Variants in ITPRID1 observed in about 807,000 individuals in gnomAD.
ITPRID1 encodes the protein ITPR interacting domain containing 1, also known as protein ITPRID1.
ITPRID1 carries 96 observed loss-of-function variants against 95.4 expected under a neutral mutation model. The observed-to-expected ratio is 1.01, with a 90% CI of 0.85 to 1.19. The LOEUF (loss-of-function observed/expected upper bound fraction) is 1.19, where lower values mean the gene tolerates loss of function less well. Among genes scored for constraint, ITPRID1 ranks in the 50% most tolerant of loss-of-function variants. ITPRID1 has a pLI of 0.00. For synonymous variants in ITPRID1, 510 were observed against 453.6 expected (o/e 1.12, Z -1.58); for missense variants, 1,339 against 1,252.9 (o/e 1.07, Z -1.04).
chr7:31,592,122 G>A (rs10259423), intron 10 of ITPRID1, among the ~76,000 whole-genome samples: 16,434 of 152,148 alleles, frequency 0.11, 1,003 homozygotes, highest in African/African-American at 0.13. Flanking sequence ...CTTTTTATGC[G>A]TAAGGGCAGT....
In ITPRID1 at chr7:31,583,143, T is replaced by C. The variant is rs1320349465; in HGVS notation, c.1180T>C (p.Phe394Leu). ...DSFEMEEVQSFEEETGNPLDM... is the reference protein window; with the variant it reads ...DSFEMEEVQSLEEETGNPLDM... ...CATTTTGATATCTTAGGTCCAAAGC[T>C]TTGAAGAAGAGACTGGTAATCCTCT... Residue 394 changes from phenylalanine to leucine, a missense_variant, in exon 10 of 15, where the codon TTT becomes CTT. Coordinates refer to ENST00000615280, the MANE Select transcript of ITPRID1 (RefSeq NM_001257967.3). The C allele has an allele frequency of 1.2e-6, 2 of 1,610,952 alleles. No individual in the cohort carries two copies. Among genetic ancestry groups the C allele is most frequent in the African/African-American group, 2.7e-5 (2 of 74,866 alleles).
chr7:31,577,972 G>A lies in ITPRID1; in HGVS notation c.708G>A (p.Glu236=), dbSNP rs1785246345. Reference sequence around the variant, plus strand: ...GAGCTGAAGAGAAAGCTGGAGGAGAGAGTGTGCAAAGAACCTCAGTGAGTG... The same window carrying A: ...GAGCTGAAGAGAAAGCTGGAGGAGAAAGTGTGCAAAGAACCTCAGTGAGTG... ...PNRAEEKAGG[E]SVQRTSVSAA... is the part of the protein sequence containing the mutation. Residue 236 remains glutamate, a synonymous_variant, in exon 9 of 15, where the codon GAG becomes GAA. Transcript: ENST00000615280. 1 of 1,613,792 alleles carries A rather than the reference G, an allele frequency of 6.2e-7. No individual in the cohort carries two copies. The highest frequency in any genetic ancestry group is 1.7e-5 in the Admixed American group (1 of 59,982).
At position 31,553,008 on chromosome 7, in the gene ITPRID1, T is replaced by G; in HGVS notation, c.-17T>G. 2 of 1,604,812 alleles carry G rather than the reference T, an allele frequency of 1.2e-6. No homozygotes were observed. Among genetic ancestry groups the G allele is most frequent in the Non-Finnish European group, 1.7e-6 (2 of 1,175,586 alleles). ...TGTGTGTGTGTGTTTTAAGTTAGTT[T>G]GCAGAATTACTCTCCTATGATGGCA... On this transcript the variant is annotated 5_prime_UTR_variant, in exon 3 of 15. Transcript: ENST00000615280.
In ITPRID1 at chr7:31,553,150, T is replaced by C. The variant is rs371511395; in HGVS notation, c.126T>C (p.Pro42=). ...TGGATGAGTGGCTGCCCCCTGACCC[T>C]GAGGAGGAAAGCCAGAGTCTCACCA... is the stretch of plus-strand genomic sequence containing the variant. The part of the protein sequence containing the change: ...APLDEWLPPD[P]EEESQSLTIP... The change falls in exon 3 of 15, where the codon CCT becomes CCC. Residue 42 remains proline (P), a synonymous_variant. Coordinates refer to ENST00000615280, the MANE Select transcript of ITPRID1 (RefSeq NM_001257967.3). The C allele has an allele frequency of 2.5e-5, 39 of 1,590,066 alleles. No individual in the cohort carries two copies. The African/African-American group carries it at 5.0e-4, about 20-fold the overall frequency.
intron 10 of ITPRID1, among the ~76,000 whole-genome samples, chr7:31,639,539 T>TG (rs796160743): frequency 0.055 from 378 of 6,832 alleles, 9 homozygotes; most frequent in East Asian, 0.48. Flanking sequence ...TTTGTTTTTG[T>TG]TTTTTTTTTT....
At position 31,553,129 on chromosome 7, in the gene ITPRID1, T is replaced by A; in HGVS notation, c.105T>A (p.Asp35Glu). Residue 35 changes from aspartate (D) to glutamate (E), a missense_variant, in exon 3 of 15, where the codon GAT (aspartate) becomes GAA (glutamate). Coordinates refer to ENST00000615280, the MANE Select transcript of ITPRID1 (RefSeq NM_001257967.3). ...KCTKSAWAPLDEWLPPDPEEE... is the reference protein window; with the variant it reads ...KCTKSAWAPLEEWLPPDPEEE... ...CCAAAAGCGCGTGGGCTCCGCTGGA[T>A]GAGTGGCTGCCCCCTGACCCTGAGG... is the stretch of plus-strand genomic sequence containing the variant. 1 of 1,595,964 alleles carries A rather than the reference T, an allele frequency of 6.3e-7. No individual in the cohort carries two copies. The highest frequency in any genetic ancestry group is 1.1e-5 in the South Asian group (1 of 87,962).
chr7:31,590,592 A>C (rs933451387), intron 10 of ITPRID1, among the ~76,000 whole-genome samples: 13 of 151,660 alleles, frequency 8.6e-5, no homozygotes, highest in Middle Eastern at 3.2e-3. Context: ...AGCCATCATG[A>C]ATATAAAGAG....
At chr7:31,642,129 C>A in intron 10 of ITPRID1, 47 bp from the exon 11 acceptor site, 2 of 1,391,890 alleles carry the variant, frequency 1.4e-6, no homozygotes, top group South Asian at 1.3e-5. Context: ...GTCCTGCTGG[C>A]TGCGTGTTTT....
intron 1 of ITPRID1, among the ~76,000 whole-genome samples, chr7:31,517,029 C>G (rs1783065131): frequency 6.6e-6 from 1 of 152,188 alleles, no homozygotes; most frequent in African/African-American, 2.4e-5. Context: ...TGTTACAGCT[C>G]TTAAAACTGG....
At chr7:31,554,693 C>T (rs1197432376) in intron 4 of ITPRID1, among the ~76,000 whole-genome samples, 165 bp from the exon 5 acceptor site, 5 of 152,154 alleles carry the variant, frequency 3.3e-5, no homozygotes, top group Admixed American at 3.3e-4. Context: ...TTTAAAACTA[C>T]AAAATAAAAT....
At chr7:31,589,407 G>GA (rs1185720554) in intron 10 of ITPRID1, among the ~76,000 whole-genome samples, 2 of 152,028 alleles carry the variant, frequency 1.3e-5, no homozygotes, top group Non-Finnish European at 2.9e-5. Context: ...AACTGTGCGA[G>GA]AAAAAAATAT....
At chr7:31,599,600 T>TC (rs1786262595) in intron 10 of ITPRID1, among the ~76,000 whole-genome samples, 1 of 77,198 alleles carries the variant, frequency 1.3e-5, no homozygotes, top group Non-Finnish European at 2.7e-5. Context: ...TTTCTTTCTT[T>TC]CTTTCTTTCT....
At chr7:31,537,783 C>A (rs761704537) in intron 1 of ITPRID1, among the ~76,000 whole-genome samples, 1 of 152,060 alleles carries the variant, frequency 6.6e-6, no homozygotes, top group Non-Finnish European at 1.5e-5. Flanking sequence ...AGTCACCTGA[C>A]CTACCATTCA....
intron 9 of ITPRID1, among the ~76,000 whole-genome samples, chr7:31,580,640 A>T (rs575950966): frequency 1.3e-5 from 2 of 150,818 alleles, no homozygotes; most frequent in Non-Finnish European, 3.0e-5. Context: ...TTGGGGAGAG[A>T]GTAGAAACAC....
At chr7:31,631,848 A>T (rs1239747490) in intron 10 of ITPRID1, among the ~76,000 whole-genome samples, 1 of 152,216 alleles carries the variant, frequency 6.6e-6, no homozygotes, top group Non-Finnish European at 1.5e-5. Flanking sequence ...TTGTCTCAGG[A>T]TTATTTTCAA....
intron 1 of ITPRID1, among the ~76,000 whole-genome samples, chr7:31,520,574 A>T (rs925190471): frequency 1.4e-5 from 2 of 141,954 alleles, no homozygotes; most frequent in African/African-American, 5.4e-5. Flanking sequence ...TGAGAGAGAG[A>T]GAGAGAGTTT....
intron 5 of ITPRID1, among the ~76,000 whole-genome samples, chr7:31,561,144 T>C (rs900705065): frequency 5.3e-5 from 8 of 151,880 alleles, no homozygotes; most frequent in African/African-American, 1.7e-4. Context: ...TGGGAGAAGA[T>C]TGTACAGTTT....
rs1790908714 is a variant in ITPRID1, at chr7:31,651,138, T to G, written c.2584-4T>G. ...TCTTCTCAGTTCTTTCTCATTGTTC[T>G]CAGTGCACAGTCCATGAGATGGAAG... is the stretch of plus-strand genomic sequence containing the variant. On this transcript the variant is annotated splice_polypyrimidine_tract_variant and splice_region_variant and intron_variant, in intron 12 of 14. Transcript: ENST00000615280. 2 of 1,611,896 alleles carry G rather than the reference T, an allele frequency of 1.2e-6. No homozygotes were observed. Among genetic ancestry groups the G allele is most frequent in the South Asian group, 2.2e-5 (2 of 90,674 alleles).
intron 9 of ITPRID1, 142 bp downstream of exon 9, chr7:31,578,576 A>G: frequency 4.9e-6 from 3 of 615,138 alleles, no homozygotes; most frequent in Non-Finnish European, 7.8e-6. Context: ...TTAGTGATTT[A>G]AAGTCATTCT....
Sources: allele counts gnomAD v4.1 joint callset (sites outside exome capture counted in the v4.1 genomes callset), GRCh38; gene constraint gnomAD v4.1.1; transcripts MANE v1.5; gene names NCBI Gene and HGNC (gene_info 2026-07-23, HGNC 2026-07-21).